Variants in CNTNAP2 observed in about 807,000 individuals in gnomAD.
CNTNAP2 encodes the protein contactin associated protein 2.
Under a neutral mutation model 155.2 loss-of-function variants are expected in CNTNAP2, and 98 were observed. The ratio of observed to expected loss-of-function variants is 0.63; its 90% CI spans 0.54 to 0.75. CNTNAP2 has a LOEUF of 0.75. Ranked by LOEUF, CNTNAP2 falls within the 30% of genes least tolerant of loss-of-function variation. The probability of loss-of-function intolerance (pLI) is 0.00; values close to 1 mark genes in which losing one functional copy is unlikely to be tolerated. For synonymous variants in CNTNAP2, 651 were observed against 631.2 expected (o/e 1.03, Z -0.47); for missense variants, 1,727 against 1,688.1 (o/e 1.02, Z -0.40).
At chr7:146,134,089 T>G (rs1339611198) in intron 1 of CNTNAP2, among the ~76,000 whole-genome samples, 1 of 149,740 alleles carries the variant, frequency 6.7e-6, no homozygotes, top group Admixed American at 6.7e-5. Flanking sequence ...TTTTATTTCC[T>G]TGAGCAGTGG....
At chr7:147,303,375 C>A (rs750051697) in intron 9 of CNTNAP2, among the ~76,000 whole-genome samples, 1 of 152,098 alleles carries the variant, frequency 6.6e-6, no homozygotes, top group Non-Finnish European at 1.5e-5. Context: ...TAAGAGTCAC[C>A]CCCTCTGGTG....
chr7:147,854,778 G>A (rs1799008729), intron 13 of CNTNAP2, among the ~76,000 whole-genome samples: 1 of 152,084 alleles, frequency 6.6e-6, no homozygotes, highest in African/African-American at 2.4e-5. Flanking sequence ...AAGTCTACTT[G>A]AAACAATTTC....
chr7:147,424,005 G>T (rs1297573447), intron 10 of CNTNAP2, among the ~76,000 whole-genome samples: 1 of 152,062 alleles, frequency 6.6e-6, no homozygotes, highest in Non-Finnish European at 1.5e-5. Context: ...GCATCTCCCT[G>T]GGGGGAAGAA....
intron 16 of CNTNAP2, among the ~76,000 whole-genome samples, chr7:148,143,064 T>G (rs1416348045): frequency 1.3e-5 from 2 of 152,260 alleles, no homozygotes; most frequent in Non-Finnish European, 2.9e-5. Context: ...TATCTAAAAT[T>G]ACCATTAAGA....
At chr7:146,684,297 T>C (rs1457724898) in intron 1 of CNTNAP2, among the ~76,000 whole-genome samples, 1 of 152,138 alleles carries the variant, frequency 6.6e-6, no homozygotes, top group Non-Finnish European at 1.5e-5. Context: ...CAAAGGCAAC[T>C]TTAAGAACTG....
At chr7:147,411,049 T>C (rs1797094322) in intron 10 of CNTNAP2, among the ~76,000 whole-genome samples, 1 of 152,168 alleles carries the variant, frequency 6.6e-6, no homozygotes, top group Non-Finnish European at 1.5e-5. Context: ...TCAGAGACAA[T>C]GCAGATCCCC....
intron 1 of CNTNAP2, among the ~76,000 whole-genome samples, chr7:146,262,493 CT>C (rs1475266119): frequency 6.6e-6 from 1 of 152,150 alleles, no homozygotes; most frequent in African/African-American, 2.4e-5. Flanking sequence ...AGAAATATTT[CT>C]TCTCTTCCAA....
At chr7:148,194,791 G>A (rs760545010) in intron 18 of CNTNAP2, among the ~76,000 whole-genome samples, 1 of 152,160 alleles carries the variant, frequency 6.6e-6, no homozygotes, top group African/African-American at 2.4e-5. Context: ...TCACCTTTTT[G>A]TTCCATCTGG....
At chr7:146,819,566 A>G (rs1447490791) in intron 2 of CNTNAP2, among the ~76,000 whole-genome samples, 1 of 151,992 alleles carries the variant, frequency 6.6e-6, no homozygotes, top group Non-Finnish European at 1.5e-5. Context: ...AGATCATCCC[A>G]TCTAATCTCA....
intron 8 of CNTNAP2, among the ~76,000 whole-genome samples, chr7:147,231,677 G>A (rs932029806): frequency 2.0e-5 from 3 of 152,116 alleles, no homozygotes; most frequent in Non-Finnish European, 2.9e-5. Context: ...TTTTTCTGAT[G>A]ATTAGTGATG....
intron 1 of CNTNAP2, among the ~76,000 whole-genome samples, chr7:146,333,916 C>T (rs1439475128): frequency 6.6e-6 from 1 of 152,170 alleles, no homozygotes; most frequent in Non-Finnish European, 1.5e-5. Flanking sequence ...GGAATAAATG[C>T]ATTTATTTAA....
chr7:147,712,847 A>G (rs982456183), intron 13 of CNTNAP2, among the ~76,000 whole-genome samples: 2 of 152,182 alleles, frequency 1.3e-5, no homozygotes, highest in African/African-American at 4.8e-5. Flanking sequence ...TACATATGTA[A>G]CCAACCTGCA....
At chr7:146,256,450 T>A (rs1799838483) in intron 1 of CNTNAP2, among the ~76,000 whole-genome samples, 1 of 152,062 alleles carries the variant, frequency 6.6e-6, no homozygotes, top group Non-Finnish European at 1.5e-5. Flanking sequence ...TTTGCAGTTA[T>A]TGATACATGT....
At chr7:147,433,344 A>G (rs1415990128) in intron 10 of CNTNAP2, among the ~76,000 whole-genome samples, 1 of 152,208 alleles carries the variant, frequency 6.6e-6, no homozygotes, top group East Asian at 1.9e-4. Context: ...TTTTCAATTG[A>G]AAATTCTGCC....
rs540058538 is a variant in CNTNAP2, at chr7:146,622,944, G to A, written c.98-151327G>A. Among the ~76,000 whole-genome samples the A allele has an allele frequency of 1.9e-4, 27 of 142,930 alleles. 1 individual carries two copies. In the South Asian group the frequency reaches 3.1e-3, roughly 16 times the overall value. 93.8% of individuals were successfully genotyped at this position (142,930 alleles called of 152,430 possible). A position where few individuals can be genotyped will look rare whatever the true frequency, so the allele number is the denominator to read the frequency against. On this transcript the variant is annotated intron_variant, in intron 1 of 23. Transcript: ENST00000361727. Reference sequence around the variant, plus strand: ...TGCACTCTAGCCTGGACAACAGAGCGAGACTCCATCTCAAAAAAAAAAAAG... The same window carrying A: ...TGCACTCTAGCCTGGACAACAGAGCAAGACTCCATCTCAAAAAAAAAAAAG...
intron 3 of CNTNAP2, among the ~76,000 whole-genome samples, chr7:146,910,271 C>T (rs1448706639): frequency 1.3e-5 from 2 of 149,274 alleles, no homozygotes; most frequent in Admixed American, 6.6e-5. Context: ...ATCAAGCTAC[C>T]AATGACTTTC....
chr7:147,627,337 T>TA (rs1038423171), intron 12 of CNTNAP2, among the ~76,000 whole-genome samples: 7 of 152,082 alleles, frequency 4.6e-5, no homozygotes, highest in Non-Finnish European at 8.8e-5. Flanking sequence ...AATAGCCAGA[T>TA]AAAAAATTCA....
chr7:146,973,072 A>C (rs1219280226), intron 3 of CNTNAP2, among the ~76,000 whole-genome samples: 1 of 152,128 alleles, frequency 6.6e-6, no homozygotes, highest in African/African-American at 2.4e-5. Context: ...CTTGTTTCTC[A>C]GGCTGGAGTG....
At chr7:147,001,647 A>C (rs1398493143) in intron 3 of CNTNAP2, among the ~76,000 whole-genome samples, 1 of 151,988 alleles carries the variant, frequency 6.6e-6, no homozygotes, top group Non-Finnish European at 1.5e-5. Flanking sequence ...ATTCTTCATA[A>C]AATCTGAGAC....
Sources: allele counts gnomAD v4.1 joint callset (sites outside exome capture counted in the v4.1 genomes callset), GRCh38; gene constraint gnomAD v4.1.1; transcripts MANE v1.5; gene names NCBI Gene and HGNC (gene_info 2026-07-23, HGNC 2026-07-21).